The following ATXN7L1 variants were observed in gnomAD, a reference collection of about 807,000 sequenced individuals.
ATXN7L1 encodes the protein ataxin 7 like 1.
A neutral mutation model predicts 70.8 loss-of-function variants in ATXN7L1; 15 were observed. The observed-to-expected ratio is 0.21, with a 90% CI of 0.14 to 0.33. The LOEUF is 0.33. Among genes scored for constraint, ATXN7L1 ranks in the 10% least tolerant of loss-of-function variants. The pLI, the probability that ATXN7L1 is intolerant of heterozygous loss-of-function variation, is 1.00. For synonymous variants in ATXN7L1, 440 were observed against 445.1 expected (o/e 0.99, Z 0.14); for missense variants, 975 against 1,097.1 (o/e 0.89, Z 1.57).
intron 2 of ATXN7L1, among the ~76,000 whole-genome samples, chr7:105,820,689 G>GTGTCC (rs1279436971): frequency 6.6e-6 from 1 of 152,168 alleles, no homozygotes; most frequent in Non-Finnish European, 1.5e-5. Flanking sequence ...GTTTGGATGT[G>GTGTCC]TGTCCCCTCC....
At chr7:105,844,214 G>A (rs1378483488) in intron 2 of ATXN7L1, among the ~76,000 whole-genome samples, 1 of 152,108 alleles carries the variant, frequency 6.6e-6, no homozygotes, top group Non-Finnish European at 1.5e-5. Flanking sequence ...ATATTCTATT[G>A]GTCAAGACTG....
intron 3 of ATXN7L1, among the ~76,000 whole-genome samples, chr7:105,683,974 C>T (rs1805862327): frequency 6.6e-6 from 1 of 152,178 alleles, no homozygotes; most frequent in Non-Finnish European, 1.5e-5. Flanking sequence ...CTCTGCAGGC[C>T]CCCTTCTTCA....
intron 2 of ATXN7L1, among the ~76,000 whole-genome samples, chr7:105,790,639 T>TATC (rs1332285791): frequency 1.9e-4 from 28 of 149,768 alleles, no homozygotes; most frequent in Admixed American, 4.9e-4. Flanking sequence ...TCTATCTATC[T>TATC]ATCTATCTAT....
chr7:105,837,699 C>T (rs1030312287), intron 2 of ATXN7L1, among the ~76,000 whole-genome samples: 7 of 152,126 alleles, frequency 4.6e-5, no homozygotes, highest in Admixed American at 2.6e-4. Context: ...CAGCAAAAGA[C>T]AGCAGGGACG....
chr7:105,782,773 G>A (rs1672179538), intron 3 of ATXN7L1, among the ~76,000 whole-genome samples: 1 of 152,206 alleles, frequency 6.6e-6, no homozygotes, highest in Non-Finnish European at 1.5e-5. Flanking sequence ...AAGCCCTCAG[G>A]ACTCCTAGCA....
Position 105,614,773 on chromosome 7 carries a change from C to T in ATXN7L1, c.1561G>A (p.Ala521Thr), listed in dbSNP as rs562590414. ...GCTGGAACGGGGGTGGTGATGTGGGCTGCTGGCGAGGGCAGGGGGCTATCT... is the reference window on the plus strand; with the variant it reads ...GCTGGAACGGGGGTGGTGATGTGGGTTGCTGGCGAGGGCAGGGGGCTATCT... The part of the protein sequence containing the change: ...AADSPLPSPA[A>T]HITTPVPASV... Residue 521 changes from alanine to threonine, a missense_variant, in exon 10 of 12, where the codon GCC becomes ACC. Physicochemically the swap from Ala to Thr is moderately conservative, Grantham distance 58. Around this residue, in one of 5 missense-constraint regions of ATXN7L1, gnomAD observed 635 missense variants for 699.4 expected, o/e 0.91. Transcript: ENST00000419735. The surrounding 1 kb of genome is among the most constrained non-coding windows in gnomAD (Gnocchi z 4.3). 4 of 1,551,540 alleles carry T rather than the reference C, an allele frequency of 2.6e-6. No homozygotes were observed. The highest frequency in any genetic ancestry group is 2.4e-5 in the East Asian group (1 of 40,916).
intron 2 of ATXN7L1, among the ~76,000 whole-genome samples, chr7:105,803,894 T>C (rs1033178897): frequency 6.6e-6 from 1 of 152,146 alleles, no homozygotes; most frequent in East Asian, 1.9e-4. Flanking sequence ...TGATCAGAGA[T>C]GGGACTATAA....
At chr7:105,768,203 A>G (rs910723111) in intron 3 of ATXN7L1, among the ~76,000 whole-genome samples, 1 of 152,208 alleles carries the variant, frequency 6.6e-6, no homozygotes, top group African/African-American at 2.4e-5. Context: ...GTGAGGTATA[A>G]TTATAGCACA....
chr7:105,682,553 T>A (rs1805673631), intron 3 of ATXN7L1, among the ~76,000 whole-genome samples: 1 of 152,078 alleles, frequency 6.6e-6, no homozygotes, highest in Admixed American at 6.6e-5. Flanking sequence ...GATGAGTGGA[T>A]AAACAAACAC....
chr7:105,797,603 C>T (rs776850877), intron 2 of ATXN7L1, among the ~76,000 whole-genome samples: 8 of 152,246 alleles, frequency 5.3e-5, no homozygotes, highest in Non-Finnish European at 1.2e-4. Context: ...GGCTTATAAT[C>T]TTCTCTAAGC....
chr7:105,697,367 A>G (rs1009706142), intron 3 of ATXN7L1, among the ~76,000 whole-genome samples: 3 of 152,168 alleles, frequency 2.0e-5, no homozygotes, highest in Non-Finnish European at 4.4e-5. Context: ...TTTCTCAGGA[A>G]CGTTCCATGC....
chr7:105,694,667 A>G (rs1366437050), intron 3 of ATXN7L1, among the ~76,000 whole-genome samples: 1 of 152,202 alleles, frequency 6.6e-6, no homozygotes, highest in South Asian at 2.1e-4. Flanking sequence ...GGCAGACTTT[A>G]TTATTCCCAT....
At chr7:105,864,127 G>C (rs1344541660) in intron 2 of ATXN7L1, among the ~76,000 whole-genome samples, 1 of 152,016 alleles carries the variant, frequency 6.6e-6, no homozygotes, top group Non-Finnish European at 1.5e-5. Flanking sequence ...TCAAAGTTCA[G>C]GAAACAACAG....
At chr7:105,693,863 C>T (rs1244325306) in intron 3 of ATXN7L1, among the ~76,000 whole-genome samples, 6 of 152,054 alleles carry the variant, frequency 3.9e-5, no homozygotes, top group African/African-American at 1.5e-4. Flanking sequence ...ATGGAGCCAC[C>T]CTGGAGTGAA....
chr7:105,862,994 A>C (rs1468748749), intron 2 of ATXN7L1, among the ~76,000 whole-genome samples: 1 of 152,210 alleles, frequency 6.6e-6, no homozygotes, highest in Non-Finnish European at 1.5e-5. Context: ...CTTAGCAGGC[A>C]TATCACCATC....
intron 3 of ATXN7L1, among the ~76,000 whole-genome samples, chr7:105,698,692 G>A (rs572322147): frequency 3.9e-5 from 6 of 152,218 alleles, no homozygotes; most frequent in South Asian, 2.1e-4. Flanking sequence ...GAGTATCAAT[G>A]TCAGCCAGCC....
At chr7:105,645,321 A>G (rs1193653318) in intron 4 of ATXN7L1, among the ~76,000 whole-genome samples, 1 of 152,228 alleles carries the variant, frequency 6.6e-6, no homozygotes, top group Non-Finnish European at 1.5e-5. Flanking sequence ...TGCAAATTAC[A>G]AAACTCTTAC....
chr7:105,665,894 A>G (rs552731956), intron 3 of ATXN7L1, among the ~76,000 whole-genome samples: 22 of 152,328 alleles, frequency 1.4e-4, no homozygotes, highest in African/African-American at 5.3e-4. Context: ...CACATGCAGG[A>G]GGATGTCAAC....
chr7:105,757,391 T>C (rs1333494334), intron 3 of ATXN7L1, among the ~76,000 whole-genome samples: 1 of 152,212 alleles, frequency 6.6e-6, no homozygotes, highest in Non-Finnish European at 1.5e-5. Context: ...TTCTTGCTTT[T>C]ATAGTATAGA....
Sources: allele counts gnomAD v4.1 joint callset (sites outside exome capture counted in the v4.1 genomes callset), GRCh38; gene constraint gnomAD v4.1.1; regional missense constraint gnomAD v4.1.1; non-coding constraint Gnocchi (gnomAD v3.1); transcripts MANE v1.5; gene names NCBI Gene and HGNC (gene_info 2026-07-23, HGNC 2026-07-21).